Variants in PRRG2 observed in about 807,000 individuals in gnomAD.
The protein encoded by PRRG2 is transmembrane gamma-carboxyglutamic acid protein 2.
A neutral mutation model predicts 27.1 loss-of-function variants in PRRG2; 23 were observed. That is an observed-to-expected ratio of 0.85 (90% CI 0.61 to 1.20). PRRG2 has a LOEUF of 1.20. PRRG2 is among the 50% of genes most tolerant of loss of function. The probability of loss-of-function intolerance (pLI) is 0.00; values close to 1 mark genes in which losing one functional copy is unlikely to be tolerated. For synonymous variants in PRRG2, 104 were observed against 103.4 expected (o/e 1.01, Z -0.03); for missense variants, 276 against 254.8 (o/e 1.08, Z -0.57).
In PRRG2 at chr19:49,582,146, C is replaced by T. The variant is rs1347299049; in HGVS notation, c.-14+665C>T. Among the ~76,000 whole-genome samples, 3 of 146,374 alleles carry T rather than the reference C, an allele frequency of 2.0e-5. No individual in the cohort carries two copies. The South Asian group carries it at 6.7e-4, about 32-fold the overall frequency. ...ATCTCAACTACCCGGGAGGCTGAGT[C>T]AGGAGAATCGCTTGAACCCAGGAGG... On this transcript the variant is annotated intron_variant, in intron 1 of 6. Coordinates refer to ENST00000246794, the MANE Select transcript of PRRG2 (RefSeq NM_000951.3).
Position 49,590,352 on chromosome 19 carries a change from T to C in PRRG2, c.591-19T>C, listed in dbSNP as rs773488053. On this transcript the variant is annotated intron_variant, in intron 6 of 6. Coordinates refer to ENST00000246794, the MANE Select transcript of PRRG2 (RefSeq NM_000951.3). ...AACAGCCAGATCTTTGACTCCCTAGTGTGCCTTTCCTCTTGCAGCCTCAGG... is the reference window on the plus strand; with the variant it reads ...AACAGCCAGATCTTTGACTCCCTAGCGTGCCTTTCCTCTTGCAGCCTCAGG... The C allele has an allele frequency of 1.2e-6, 2 of 1,614,114 alleles. No individual in the cohort carries two copies. The highest frequency in any genetic ancestry group is 1.7e-6 in the Non-Finnish European group (2 of 1,180,000).
In PRRG2 at chr19:49,583,214, G is replaced by A; in HGVS notation, c.-6G>A. The A allele has an allele frequency of 6.2e-7, 1 of 1,613,842 alleles. No homozygotes were observed. The highest frequency in any genetic ancestry group is 8.5e-7 in the Non-Finnish European group (1 of 1,179,814). On this transcript the variant is annotated 5_prime_UTR_variant, in exon 2 of 7. Transcript: ENST00000246794. ...TAACAAACCTGGTTCTAGGTGTCTGGAAAATATGAGGGGCCACCCCTCTCT... is the reference window on the plus strand; with the variant it reads ...TAACAAACCTGGTTCTAGGTGTCTGAAAAATATGAGGGGCCACCCCTCTCT...
At chr19:49,584,264 G>A (rs529384965) in intron 4 of PRRG2, among the ~76,000 whole-genome samples, 93 of 150,538 alleles carry the variant, frequency 6.2e-4, no homozygotes, top group Admixed American at 1.4e-3. Context: ...TCCGCCTCCC[G>A]GGTTCACGCC....
Position 49,589,983 on chromosome 19 carries a change from G to A in PRRG2, c.521G>A (p.Gly174Asp). ...CCTCCACCCCCACCCCCACCCCCAG[G>A]CCTCCCCACCTATGAGCAGGCGCTG... ...PLPPPPPPPP[G>D]LPTYEQALAA... The change falls in exon 6 of 7, where the codon GGC becomes GAC. Residue 174 changes from glycine to aspartate, a missense_variant. By Grantham distance (94) the Gly-to-Asp change is moderately conservative. Transcript: ENST00000246794. 4 of 1,454,182 alleles carry A rather than the reference G, an allele frequency of 2.8e-6. No individual in the cohort carries two copies. Among genetic ancestry groups the A allele is most frequent in the South Asian group, 1.3e-5 (1 of 76,748 alleles). 90.1% of individuals were successfully genotyped at this position (1,454,182 alleles called of 1,614,324 possible). A position where few individuals can be genotyped will look rare whatever the true frequency, so the allele number is the denominator to read the frequency against.
rs112370740 is a variant in PRRG2, at chr19:49,584,332, G to A, written c.301+380G>A. Among the ~76,000 whole-genome samples the A allele has an allele frequency of 5.4e-3, 819 of 151,678 alleles. 3 individuals are homozygous for A. The highest frequency in any genetic ancestry group is 9.1e-3 in the Non-Finnish European group (620 of 67,906). Reference sequence around the variant, plus strand: ...ACTACAGGCACCCACCACCACACCCGGCTAATTTTTTGTATTTTTAGTAGA... The same window carrying A: ...ACTACAGGCACCCACCACCACACCCAGCTAATTTTTTGTATTTTTAGTAGA... On this transcript the variant is annotated intron_variant, in intron 4 of 6. Coordinates refer to ENST00000246794, the MANE Select transcript of PRRG2 (RefSeq NM_000951.3).
At position 49,590,465 on chromosome 19, in the gene PRRG2, T is replaced by C. The variant is rs878981092; in HGVS notation, c.*76T>C. On this transcript the variant is annotated 3_prime_UTR_variant, in exon 7 of 7. Transcript: ENST00000246794. ...GGATTCCGGAAGCCGCTAGGCCTCATAGACGCCGAAGCTGGACTTGGAGTG... is the reference window on the plus strand; with the variant it reads ...GGATTCCGGAAGCCGCTAGGCCTCACAGACGCCGAAGCTGGACTTGGAGTG... 13 of 1,592,352 alleles carry C rather than the reference T, an allele frequency of 8.2e-6. No individual in the cohort carries two copies. Among genetic ancestry groups the C allele is most frequent in the Middle Eastern group, 1.7e-4 (1 of 6,022 alleles).
intron 4 of PRRG2, among the ~76,000 whole-genome samples, chr19:49,587,885 CT>C (rs2080683073): frequency 6.6e-6 from 1 of 151,922 alleles, no homozygotes. Flanking sequence ...TCCCAATGTT[CT>C]GGGATTATAG....
chr19:49,583,383 C>A, intron 2 of PRRG2, 79 bp downstream of exon 2: 12 of 1,545,592 alleles, frequency 7.8e-6, no homozygotes, highest in Non-Finnish European at 1.1e-5. Flanking sequence ...AGTCCTTCCT[C>A]TTCCAGGAGT....
intron 1 of PRRG2, among the ~76,000 whole-genome samples, chr19:49,582,419 C>T (rs548024117): frequency 5.3e-5 from 8 of 151,662 alleles, no homozygotes; most frequent in South Asian, 2.1e-4. Flanking sequence ...GGATTACAGG[C>T]GCCCACAACC....
At chr19:49,589,123 CTTTT>C (rs778928178) in intron 5 of PRRG2, among the ~76,000 whole-genome samples, 1 of 106,092 alleles carries the variant, frequency 9.4e-6, no homozygotes, top group African/African-American at 4.0e-5. Flanking sequence ...ACAGGGCTGT[CTTTT>C]TTTTTTTTTT....
Position 49,588,630 on chromosome 19 carries a change from A to G in PRRG2, c.435A>G (p.Gln145=). 6.5e-7 allele frequency: 1 copy of G among 1,531,888 alleles called. No homozygotes were observed. The highest frequency in any genetic ancestry group is 1.2e-5 in the South Asian group (1 of 82,338). 94.9% of individuals were successfully genotyped at this position (1,531,888 alleles called of 1,614,324 possible). A position where few individuals can be genotyped will look rare whatever the true frequency, so the allele number is the denominator to read the frequency against. ...ACCGAGGCCAGCAGCCCTGTCCCCA[A>G]GAGTAAGGGGGCTTCAGCGAGGAGG... ...RQHRGQQPCP[Q]EAGLISPLSP... The change falls in exon 5 of 7, where the codon CAA becomes CAG. Residue 145 remains glutamine, a splice_region_variant and synonymous_variant. Coordinates refer to ENST00000246794, the MANE Select transcript of PRRG2 (RefSeq NM_000951.3).
intron 4 of PRRG2, among the ~76,000 whole-genome samples, chr19:49,585,985 C>G (rs1459302157): frequency 1.4e-5 from 2 of 142,330 alleles, no homozygotes; most frequent in Admixed American, 7.8e-5. Context: ...GAGGCTGAGG[C>G]AGGAGAATCG....
chr19:49,583,713 T>C lies in PRRG2; in HGVS notation c.257T>C (p.Leu86Pro), dbSNP rs754436364. The C allele has an allele frequency of 1.2e-6, 2 of 1,613,886 alleles. No individual in the cohort carries two copies. Among genetic ancestry groups the C allele is most frequent in the Non-Finnish European group, 1.7e-6 (2 of 1,179,876 alleles). Residue 86 changes from leucine (L) to proline (P), a missense_variant, in exon 3 of 7, where the codon CTC becomes CCC. Transcript: ENST00000246794. ...EAREYFEDNT[L>P]TERFWESYIY... is the part of the protein sequence containing the mutation. ...AGGGAGTATTTTGAGGACAACACTC[T>C]CACGGTGAGGGCCTCGAGACCCTGG...
chr19:49,586,387 ATTTTTT>A (rs34299965), intron 4 of PRRG2, among the ~76,000 whole-genome samples: 3 of 137,726 alleles, frequency 2.2e-5, no homozygotes, highest in East Asian at 2.2e-4. Context: ...AAGCCCGGCC[ATTTTTT>A]TTTTTTTTTT....
intron 6 of PRRG2, 148 bp downstream of exon 6, chr19:49,590,200 T>C (rs2080707887): frequency 1.4e-6 from 2 of 1,407,584 alleles, no homozygotes; most frequent in South Asian, 1.2e-5. Flanking sequence ...CATGCAATGG[T>C]CTAGGGGCGT....
At chr19:49,581,146 G>A (rs950067521), upstream of PRRG2, among the ~76,000 whole-genome samples, 2 of 152,202 alleles carry the variant, frequency 1.3e-5, no homozygotes, top group Admixed American at 1.3e-4. Flanking sequence ...GAGAGCCAGA[G>A]CGGGTAGGGG....
intron 4 of PRRG2, among the ~76,000 whole-genome samples, chr19:49,586,840 A>G (rs2080674216): frequency 6.6e-6 from 1 of 151,766 alleles, no homozygotes; most frequent in South Asian, 2.1e-4. Context: ...ACAGAGCAAG[A>G]CTCCGTCTCA....
At chr19:49,582,050 G>C (rs1357382552) in intron 1 of PRRG2, among the ~76,000 whole-genome samples, 1 of 151,576 alleles carries the variant, frequency 6.6e-6, no homozygotes, top group East Asian at 2.0e-4. Flanking sequence ...GACCAGCCTG[G>C]CCAACATGGT....
chr19:49,584,092 T>C, intron 4 of PRRG2, 140 bp downstream of exon 4: 1 of 840,756 alleles, frequency 1.2e-6, no homozygotes, highest in Non-Finnish European at 1.8e-6. Context: ...AGCTGGCTGC[T>C]AAAGGAGTTC....
Sources: gnomAD v4.1 joint callset for allele counts (sites outside exome capture counted in the v4.1 genomes callset) on GRCh38, gnomAD v4.1.1 for gene constraint, MANE v1.5 for transcripts, NCBI Gene and HGNC (gene_info 2026-07-23, HGNC 2026-07-21) for gene names.